Variants in ATP8A2 observed in about 807,000 individuals in gnomAD.
The protein encoded by ATP8A2 is ATPase phospholipid transporting 8A2.
Under a neutral mutation model 165.6 loss-of-function variants are expected in ATP8A2, and 100 were observed. The ratio of observed to expected loss-of-function variants is 0.60; its 90% CI spans 0.51 to 0.71. The LOEUF (loss-of-function observed/expected upper bound fraction) is 0.71, where lower values mean the gene tolerates loss of function less well. Among genes scored for constraint, ATP8A2 ranks in the 30% least tolerant of loss-of-function variants. The pLI is 0.00. For missense variants in ATP8A2, 1,227 were observed against 1,479.5 expected (o/e 0.83, Z 2.80); for synonymous variants, 543 against 548.8 (o/e 0.99, Z 0.15).
At chr13:25,446,120 C>G (rs1233574003) in intron 1 of ATP8A2, among the ~76,000 whole-genome samples, 2 of 152,116 alleles carry the variant, frequency 1.3e-5, no homozygotes, top group Non-Finnish European at 2.9e-5. Flanking sequence ...TGATGGCCTT[C>G]CTGAGACTTC....
At chr13:25,720,432 G>T (rs1003943240) in intron 25 of ATP8A2, among the ~76,000 whole-genome samples, 11 of 152,052 alleles carry the variant, frequency 7.2e-5, no homozygotes, top group African/African-American at 1.7e-4. Flanking sequence ...AAAGTGCTGG[G>T]ATTACAGGCA....
intron 27 of ATP8A2, among the ~76,000 whole-genome samples, chr13:25,787,408 C>A (rs1425752572): frequency 6.6e-6 from 1 of 152,182 alleles, no homozygotes; most frequent in Admixed American, 6.5e-5. Context: ...GCTTTTATTG[C>A]TGAGTGGTAT....
At chr13:25,559,557 A>G (rs1433240872) in intron 14 of ATP8A2, among the ~76,000 whole-genome samples, 164 bp from the exon 15 acceptor site, 2 of 152,168 alleles carry the variant, frequency 1.3e-5, no homozygotes, top group Non-Finnish European at 2.9e-5. Context: ...ACAGAAAAAC[A>G]GCAACAAAAA....
intron 2 of ATP8A2, among the ~76,000 whole-genome samples, chr13:25,487,871 G>A (rs958500168): frequency 6.6e-6 from 1 of 152,014 alleles, no homozygotes; most frequent in African/African-American, 2.4e-5. Context: ...AATAGCCTGA[G>A]TGGGAGGGTA....
chr13:25,540,555 T>A (rs9578883), intron 8 of ATP8A2, among the ~76,000 whole-genome samples, 167 bp downstream of exon 8: 9,702 of 152,204 alleles, frequency 0.064, 405 homozygotes, highest in South Asian at 0.13. Flanking sequence ...AGAGAATGTG[T>A]CTCGAAAAAG....
chr13:25,990,261 TAAAAAAAAAAAAA>T (rs3056351), intron 35 of ATP8A2, among the ~76,000 whole-genome samples: 5 of 108,370 alleles, frequency 4.6e-5, no homozygotes, highest in African/African-American at 1.7e-4. Context: ...CATGTAACTG[TAAAAAAAAAAAAA>T]AAAAAAAAGC....
chr13:25,977,530 A>G (rs763561587), intron 35 of ATP8A2, among the ~76,000 whole-genome samples: 40 of 152,334 alleles, frequency 2.6e-4, no homozygotes, highest in Non-Finnish European at 4.1e-4. Flanking sequence ...CTCTTCAGGA[A>G]GTGAAACACC....
At chr13:25,454,908 T>C (rs1200113981) in intron 1 of ATP8A2, among the ~76,000 whole-genome samples, 1 of 152,054 alleles carries the variant, frequency 6.6e-6, no homozygotes, top group East Asian at 1.9e-4. Flanking sequence ...GCCGACAGAG[T>C]GAGACTCCGT....
chr13:25,395,119 T>G (rs2033377120), intron 1 of ATP8A2, among the ~76,000 whole-genome samples: 2 of 152,310 alleles, frequency 1.3e-5, no homozygotes, highest in East Asian at 1.9e-4. Flanking sequence ...TGCATGTCTT[T>G]TCTTCTCTTC....
intron 1 of ATP8A2, among the ~76,000 whole-genome samples, chr13:25,374,123 G>C (rs1008920182): frequency 6.6e-6 from 1 of 152,130 alleles, no homozygotes; most frequent in Admixed American, 6.5e-5. Flanking sequence ...GGGAGATGAG[G>C]GTCAACAGAA....
At chr13:25,585,465 G>A (rs929675579) in intron 23 of ATP8A2, among the ~76,000 whole-genome samples, 2 of 151,970 alleles carry the variant, frequency 1.3e-5, no homozygotes, top group Non-Finnish European at 1.5e-5. Flanking sequence ...AATTAAGTTG[G>A]CATTAGCTTT....
intron 24 of ATP8A2, among the ~76,000 whole-genome samples, chr13:25,649,700 T>G (rs2041765430): frequency 6.6e-6 from 1 of 152,036 alleles, no homozygotes; most frequent in African/African-American, 2.4e-5. Context: ...AGCTTTCCAT[T>G]TTGCTGCAAT....
intron 33 of ATP8A2, among the ~76,000 whole-genome samples, chr13:25,897,767 C>T (rs559450566): frequency 8.2e-4 from 125 of 152,274 alleles, no homozygotes; most frequent in Admixed American, 2.9e-3. Flanking sequence ...CTTCTCTTCA[C>T]GCTTCATTTC....
At chr13:25,716,533 C>T (rs1025440209) in intron 25 of ATP8A2, among the ~76,000 whole-genome samples, 1 of 152,110 alleles carries the variant, frequency 6.6e-6, no homozygotes, top group Non-Finnish European at 1.5e-5. Context: ...TGCTTTTGCA[C>T]ATGGATATTC....
At chr13:25,666,698 T>TTGACAACACCAAAAGGCATTA (rs1441141933) in intron 24 of ATP8A2, among the ~76,000 whole-genome samples, 57 of 152,308 alleles carry the variant, frequency 3.7e-4, no homozygotes, top group African/African-American at 1.3e-3. Flanking sequence ...TCTGAGTCTT[T>TTGACAACACCAAAAGGCATTA]TGACAACACC....
intron 36 of ATP8A2, among the ~76,000 whole-genome samples, chr13:26,013,739 C>G (rs747641194): frequency 3.3e-5 from 5 of 152,026 alleles, no homozygotes; most frequent in Non-Finnish European, 7.4e-5. Flanking sequence ...ATTGTTCACA[C>G]AGTACAGGCA....
rs1393634723 is a variant in ATP8A2 at position 25,937,364 on chromosome 13, T to TTC, written c.3184-24210_3184-24209insCT. On this transcript the variant is annotated intron_variant, in intron 33 of 36. Transcript: ENST00000381655. ...CTTTGTCTTTCTATTCTTTCTTTCT[T>TTC]TTTTTTTTTTTTTTTGAACAGCCCA... is the stretch of plus-strand genomic sequence containing the variant. 5.8e-4 allele frequency among the ~76,000 whole-genome samples: 67 copies of TTC among 115,530 alleles called. 3 individuals are homozygous for TTC. The highest frequency in any genetic ancestry group is 4.2e-3 in the Middle Eastern group (1 of 236). 75.8% of individuals were successfully genotyped at this position (115,530 alleles called of 152,430 possible).
chr13:25,965,752 T>A (rs1447107564), intron 34 of ATP8A2, among the ~76,000 whole-genome samples: 1 of 152,216 alleles, frequency 6.6e-6, no homozygotes, highest in East Asian at 1.9e-4. Context: ...TTTATCTAGC[T>A]GTATCTCCTG....
intron 1 of ATP8A2, among the ~76,000 whole-genome samples, chr13:25,379,856 C>T (rs1245180612): frequency 6.6e-6 from 1 of 152,150 alleles, no homozygotes; most frequent in Non-Finnish European, 1.5e-5. Flanking sequence ...TCTGGGTCCA[C>T]TCTAAGTTCA....
Sources: gnomAD v4.1 joint callset for allele counts (sites outside exome capture counted in the v4.1 genomes callset) on GRCh38, gnomAD v4.1.1 for gene constraint, MANE v1.5 for transcripts, NCBI Gene and HGNC (gene_info 2026-07-23, HGNC 2026-07-21) for gene names.